Variants in PARP12 observed in about 807,000 individuals in gnomAD.
The protein encoded by PARP12 is poly(ADP-ribose) polymerase family member 12.
Under a neutral mutation model 72.4 loss-of-function variants are expected in PARP12, and 59 were observed. That is an observed-to-expected ratio of 0.81 (90% CI 0.66 to 1.01). The LOEUF (loss-of-function observed/expected upper bound fraction) is 1.01, where lower values mean the gene tolerates loss of function less well. Ranked by LOEUF, PARP12 falls within the 50% of genes least tolerant of loss-of-function variation. The probability of loss-of-function intolerance (pLI) is 0.00; values close to 1 mark genes in which losing one functional copy is unlikely to be tolerated. For missense variants in PARP12, 851 were observed against 914.0 expected (o/e 0.93, Z 0.89); for synonymous variants, 403 against 371.4 (o/e 1.09, Z -0.98).
chr7:140,055,602 A>G (rs945258124), intron 3 of PARP12, among the ~76,000 whole-genome samples: 1 of 152,226 alleles, frequency 6.6e-6, no homozygotes, highest in African/African-American at 2.4e-5. Context: ...GGGACCCCGA[A>G]GGTCATCTCC....
chr7:140,054,783 A>G lies in PARP12; in HGVS notation c.761-20T>C. The G allele has an allele frequency of 6.4e-7, 1 of 1,570,142 alleles. No individual in the cohort carries two copies. Among genetic ancestry groups the G allele is most frequent in the Non-Finnish European group, 8.8e-7 (1 of 1,139,846 alleles). On this transcript the variant is annotated intron_variant, in intron 3 of 11. Transcript: ENST00000263549. ...TTCTTTCTGCAAAGAAACACCACAAAGATATGTCAGCTTCTGATATGGGGT... is the reference window on the plus strand; with the variant it reads ...TTCTTTCTGCAAAGAAACACCACAAGGATATGTCAGCTTCTGATATGGGGT...
chr7:140,042,589 G>A (rs1333281187), intron 5 of PARP12, among the ~76,000 whole-genome samples: 1 of 152,224 alleles, frequency 6.6e-6, no homozygotes, highest in Non-Finnish European at 1.5e-5. Flanking sequence ...TACGGCAGGA[G>A]GCTGAATCTC....
intron 1 of PARP12, among the ~76,000 whole-genome samples, chr7:140,061,035 G>A (rs986141971): frequency 6.6e-6 from 1 of 152,112 alleles, no homozygotes; most frequent in Admixed American, 6.5e-5. Context: ...CTGAAGAGTC[G>A]TCACCTCTCA....
chr7:140,030,848 G>C (rs1815915817), intron 8 of PARP12, among the ~76,000 whole-genome samples: 1 of 152,090 alleles, frequency 6.6e-6, no homozygotes, highest in Non-Finnish European at 1.5e-5. Context: ...TTTTATGTGT[G>C]GACCAATTCT....
chr7:140,061,492 G>A (rs1056282676), intron 1 of PARP12, among the ~76,000 whole-genome samples: 1 of 152,146 alleles, frequency 6.6e-6, no homozygotes, highest in African/African-American at 2.4e-5. Flanking sequence ...CAAGAAAGGA[G>A]GGAGCAGGGG....
intron 6 of PARP12, among the ~76,000 whole-genome samples, chr7:140,041,114 C>T (rs928908886): frequency 6.6e-6 from 1 of 152,196 alleles, no homozygotes; most frequent in East Asian, 1.9e-4. Context: ...TTTAATCTGA[C>T]CCATCCACAA....
intron 1 of PARP12, among the ~76,000 whole-genome samples, chr7:140,058,355 T>C (rs142871684): frequency 0.02 from 3,062 of 151,912 alleles, 74 homozygotes; most frequent in South Asian, 0.12. Flanking sequence ...ACTAAAAATA[T>C]AAAAAATTAG....
intron 4 of PARP12, among the ~76,000 whole-genome samples, chr7:140,047,336 T>C (rs1345235215): frequency 6.6e-6 from 1 of 152,120 alleles, no homozygotes; most frequent in Non-Finnish European, 1.5e-5. Context: ...TGGGTTATCA[T>C]GAGAGTGGAA....
chr7:140,055,488 C>A lies in PARP12; in HGVS notation c.761-725G>T, dbSNP rs535069169. On this transcript the variant is annotated intron_variant, in intron 3 of 11. Coordinates refer to ENST00000263549, the MANE Select transcript of PARP12 (RefSeq NM_022750.4). ...CTCACCCAGCTAACCCCAATGAGCA[C>A]ATAAAATTAATTTGCAATCCCTATT... Among the ~76,000 whole-genome samples, 38 of 152,318 alleles carry A rather than the reference C, an allele frequency of 2.5e-4. 1 individual carries two copies. The highest frequency in any genetic ancestry group is 2.5e-3 in the Admixed American group (38 of 15,302).
In PARP12 at chr7:140,026,151, G is replaced by A. The variant is rs375989430; in HGVS notation, c.1780+46C>T. ...CTCTAGCAGTCTGTTCCTATGCAGG[G>A]GCAAAGCAACATGGGTTTTGCTGGT... On this transcript the variant is annotated intron_variant, in intron 11 of 11. Transcript: ENST00000263549. The A allele has an allele frequency of 3.2e-5, 52 of 1,613,730 alleles. No homozygotes were observed. The Admixed American group carries it at 7.7e-4, about 24-fold the overall frequency.
At chr7:140,056,447 T>C (rs1185005114) in intron 3 of PARP12, among the ~76,000 whole-genome samples, 1 of 152,258 alleles carries the variant, frequency 6.6e-6, no homozygotes, top group East Asian at 1.9e-4. Flanking sequence ...AAAATCAGAA[T>C]ACAACACAAG....
At chr7:140,041,623 C>T (rs545725726) in intron 6 of PARP12, 21 bp downstream of exon 6, 3 of 1,605,864 alleles carry the variant, frequency 1.9e-6, no homozygotes, top group African/African-American at 2.7e-5. Context: ...AAAACATTCA[C>T]CCTCTTTCCA....
chr7:140,054,683 G>A lies in PARP12; in HGVS notation c.841C>T (p.Arg281Trp), dbSNP rs191980703. 4.3e-5 allele frequency: 70 copies of A among 1,613,678 alleles called. No individual in the cohort carries two copies. In the East Asian group the frequency reaches 1.1e-3, roughly 25 times the overall value. The change falls in exon 4 of 12, where the codon CGG becomes TGG. Residue 281 changes from arginine (R) to tryptophan (W), a missense_variant. By Grantham distance (101) the Arg-to-Trp change is moderately radical (BLOSUM62 -3). Transcript: ENST00000263549. The part of the protein sequence containing the change: ...EGDQICLYHI[R>W]KSCSFQDKCH... ...TTACCTTGAAAGCTACAACTTTTCC[G>A]GATATGGTACAAACAGATCTGATCA...
chr7:140,042,838 A>G (rs1816544160), intron 5 of PARP12, among the ~76,000 whole-genome samples: 2 of 152,226 alleles, frequency 1.3e-5, no homozygotes, highest in Admixed American at 6.5e-5. Flanking sequence ...CACCCAGGGT[A>G]GCAGTTCTCA....
Position 140,062,577 on chromosome 7 carries a change from G to A in PARP12, c.271C>T (p.Gln91Ter), listed in dbSNP as rs1197093330. ...SKPGCVGLCA[Q>*]LHLCRFMVYG... ...ACCATGAACCTGCAGAGGTGGAGCT[G>A]CGCGCAGAGCCCCACGCAGCCCGGC... Residue 91 changes from glutamine (Q) to a stop codon, truncating the protein, a stop_gained, in exon 1 of 12, where the codon CAG (glutamine) becomes TAG (stop). Transcript: ENST00000263549. LOFTEE classifies it high-confidence loss of function. 6.5e-6 allele frequency: 10 copies of A among 1,547,008 alleles called. No individual in the cohort carries two copies. Among genetic ancestry groups the A allele is most frequent in the Non-Finnish European group, 8.7e-6 (10 of 1,151,368 alleles).
chr7:140,061,819 A>T (rs897390571), intron 1 of PARP12, among the ~76,000 whole-genome samples: 8 of 152,146 alleles, frequency 5.3e-5, no homozygotes, highest in Non-Finnish European at 1.0e-4. Context: ...TGAGGAAAAT[A>T]AACAGTTCCC....
Position 140,062,568 on chromosome 7 carries a change from G to A in PARP12, c.280C>T (p.Leu94Phe). The A allele has an allele frequency of 6.4e-7, 1 of 1,553,138 alleles. No homozygotes were observed. Among genetic ancestry groups the A allele is most frequent in the Non-Finnish European group, 8.7e-7 (1 of 1,154,156 alleles). The stretch of plus-strand genomic sequence containing the variant: ...GCGCCGTAGACCATGAACCTGCAGA[G>A]GTGGAGCTGCGCGCAGAGCCCCACG... The part of the protein sequence containing the change: ...GCVGLCAQLH[L>F]CRFMVYGACK... Residue 94 changes from leucine to phenylalanine, a missense_variant, in exon 1 of 12, where the codon CTC becomes TTC. Physicochemically the swap from Leu to Phe is conservative, Grantham distance 22 (BLOSUM62 0). This residue lies in a region of PARP12 where 492 missense variants were observed against 489.3 expected (regional missense o/e 1.01). Coordinates refer to ENST00000263549, the MANE Select transcript of PARP12 (RefSeq NM_022750.4).
chr7:140,040,616 AC>A (rs1392495587), intron 6 of PARP12, among the ~76,000 whole-genome samples: 1 of 152,238 alleles, frequency 6.6e-6, no homozygotes, highest in Non-Finnish European at 1.5e-5. Context: ...CATGGAGCTT[AC>A]ATTAGAGCAT....
chr7:140,026,878 C>A (rs901532315), intron 10 of PARP12, among the ~76,000 whole-genome samples: 11 of 152,178 alleles, frequency 7.2e-5, no homozygotes, highest in African/African-American at 2.2e-4. Flanking sequence ...TGAGTGGGTG[C>A]TCAAGGACAA....
Sources: gnomAD v4.1 joint callset for allele counts (sites outside exome capture counted in the v4.1 genomes callset) on GRCh38, gnomAD v4.1.1 for gene constraint, gnomAD v4.1.1 regional missense constraint, MANE v1.5 for transcripts, NCBI Gene and HGNC (gene_info 2026-07-23, HGNC 2026-07-21) for gene names.